EBF1: variants seen among roughly 807,000 people sequenced by gnomAD.
EBF1 encodes the protein EBF transcription factor 1.
Under a neutral mutation model 68.4 loss-of-function variants are expected in EBF1, and 10 were observed. The observed-to-expected ratio is 0.15, with a 90% CI of 0.09 to 0.25. The LOEUF is 0.25. Among genes scored for constraint, EBF1 ranks in the 10% least tolerant of loss-of-function variants. The pLI, the probability that EBF1 is intolerant of heterozygous loss-of-function variation, is 1.00. For missense variants in EBF1, 509 were observed against 794.4 expected, an observed-to-expected ratio of 0.64 and a Z score of 4.32; for synonymous variants, 298 against 299.8, an observed-to-expected ratio of 0.99 and a Z score of 0.06.
rs373099185 is a variant in EBF1 at position 159,095,662 on chromosome 5, C to G, written c.369G>C (p.Glu123Asp). 2 of 1,613,970 alleles carry G rather than the reference C, an allele frequency of 1.2e-6. No individual in the cohort carries two copies. The highest frequency in any genetic ancestry group is 2.7e-5 in the African/African-American group (2 of 74,924). The change falls in exon 4 of 16, where the codon GAG becomes GAC. Residue 123 changes from glutamate to aspartate, a missense_variant. By Grantham distance (45) the Glu-to-Asp change is conservative. Coordinates refer to ENST00000313708, the MANE Select transcript of EBF1 (RefSeq NM_024007.5). Reference sequence around the variant, plus strand: ...CAATGAGGCGCACGTAGAAATCCTGCTCCGTCCTTATCCCTAGGGTTGGAA... The same window carrying G: ...CAATGAGGCGCACGTAGAAATCCTGGTCCGTCCTTATCCCTAGGGTTGGAA... Reference protein sequence around the residue: ...QLLYSNGIRTEQDFYVRLIDS... With the variant: ...QLLYSNGIRTDQDFYVRLIDS...
chr5:159,069,622 T>C (rs1259295587), intron 6 of EBF1, among the ~76,000 whole-genome samples: 1 of 152,140 alleles, frequency 6.6e-6, no homozygotes, highest in African/African-American at 2.4e-5. Context: ...TATTAAAAAG[T>C]TTCCATATAG....
intron 6 of EBF1, among the ~76,000 whole-genome samples, chr5:158,877,087 T>C (rs1359064428): frequency 2.6e-4 from 40 of 152,150 alleles, no homozygotes; most frequent in Admixed American, 2.5e-3. Flanking sequence ...GAAGCCTCTA[T>C]CTCCACCAAC....
chr5:158,717,378 A>G (rs1337527424), intron 11 of EBF1, among the ~76,000 whole-genome samples: 1 of 152,190 alleles, frequency 6.6e-6, no homozygotes, highest in East Asian at 1.9e-4. Context: ...TGTCTCTAAA[A>G]TTGTTCTTAA....
At chr5:159,016,344 G>T (rs10515785) in intron 6 of EBF1, among the ~76,000 whole-genome samples, 34,719 of 151,892 alleles carry the variant, frequency 0.23, 4,315 homozygotes, top group Non-Finnish European at 0.27. Context: ...GTTTTTTTCA[G>T]CTATGGCCCC....
intron 6 of EBF1, among the ~76,000 whole-genome samples, chr5:158,866,990 TATG>T (rs1339675195): frequency 3.3e-5 from 5 of 150,996 alleles, no homozygotes; most frequent in African/African-American, 1.2e-4. Context: ...ATGGAATAAA[TATG>T]ATGCATAATT....
chr5:158,802,798 C>G (rs1780851935), intron 8 of EBF1, among the ~76,000 whole-genome samples: 1 of 152,112 alleles, frequency 6.6e-6, no homozygotes. Flanking sequence ...ACAGAAAATG[C>G]CTACTTGTGT....
chr5:158,877,437 C>T (rs1798016904), intron 6 of EBF1, among the ~76,000 whole-genome samples: 1 of 145,828 alleles, frequency 6.9e-6, no homozygotes, highest in Non-Finnish European at 1.5e-5. Flanking sequence ...CATACTTGTA[C>T]CAGCGTCCCA....
At chr5:158,756,763 GCAAATTCAAACTGGAGAGA>G (rs1185833842) in intron 10 of EBF1, among the ~76,000 whole-genome samples, 6 of 151,588 alleles carry the variant, frequency 4.0e-5, no homozygotes, top group Non-Finnish European at 8.8e-5. Context: ...AATGAAGAGG[GCAAATTCAAACTGGAGAGA>G]CAAGCAGAAC....
chr5:158,816,553 C>A (rs1261151458), intron 8 of EBF1, among the ~76,000 whole-genome samples: 1 of 152,152 alleles, frequency 6.6e-6, no homozygotes, highest in African/African-American at 2.4e-5. Flanking sequence ...TCAGGCATTG[C>A]CCCTGGTGGG....
At chr5:159,010,737 CCAAAGG>C (rs1215744708) in intron 6 of EBF1, among the ~76,000 whole-genome samples, 4 of 152,176 alleles carry the variant, frequency 2.6e-5, no homozygotes, top group Non-Finnish European at 5.9e-5. Context: ...GGGAGTAGAT[CCAAAGG>C]AGGGCAGGGA....
intron 6 of EBF1, among the ~76,000 whole-genome samples, chr5:158,856,520 T>G (rs1156974979): frequency 6.6e-6 from 1 of 152,238 alleles, no homozygotes; most frequent in Non-Finnish European, 1.5e-5. Context: ...TGATGATGGT[T>G]GATTCTTTTA....
chr5:158,823,113 A>T (rs1785211899), intron 8 of EBF1, 63 bp downstream of exon 8: 1 of 1,610,156 alleles, frequency 6.2e-7, no homozygotes, highest in Non-Finnish European at 8.5e-7. Flanking sequence ...GGAGTGGAAG[A>T]AAGAAACCAA....
intron 15 of EBF1, chr5:158,707,574 A>G (rs1758133634): frequency 4.0e-6 from 1 of 248,476 alleles, no homozygotes; most frequent in Non-Finnish European, 8.0e-6. Flanking sequence ...CTACTTCAGG[A>G]GAAGGCCAGT....
At chr5:158,729,946 T>C (rs1763750495) in intron 11 of EBF1, among the ~76,000 whole-genome samples, 1 of 152,186 alleles carries the variant, frequency 6.6e-6, no homozygotes, top group Non-Finnish European at 1.5e-5. Context: ...TTCTGACAGG[T>C]GGCCCTGCCT....
chr5:158,944,130 G>T (rs1231220534), intron 6 of EBF1, among the ~76,000 whole-genome samples: 2 of 152,112 alleles, frequency 1.3e-5, no homozygotes, highest in East Asian at 3.9e-4. Context: ...ATGCAGGTTT[G>T]TTACATAGGT....
intron 6 of EBF1, among the ~76,000 whole-genome samples, chr5:158,999,030 A>G (rs1240674477): frequency 6.6e-6 from 1 of 152,144 alleles, no homozygotes; most frequent in Admixed American, 6.5e-5. Flanking sequence ...CTCAAATTGC[A>G]GTGAATGAAC....
chr5:158,781,940 A>G (rs1003708565), intron 9 of EBF1, among the ~76,000 whole-genome samples: 5 of 152,120 alleles, frequency 3.3e-5, no homozygotes, highest in Non-Finnish European at 7.3e-5. Context: ...ACATAGTTCA[A>G]ACTCCTTGAC....
chr5:158,751,579 C>T (rs573526262), intron 10 of EBF1, among the ~76,000 whole-genome samples: 7 of 152,134 alleles, frequency 4.6e-5, no homozygotes, highest in East Asian at 1.9e-4. Flanking sequence ...TGGAGTCAGA[C>T]GGTCTGGCCA....
chr5:158,911,620 A>G (rs1198572068), intron 6 of EBF1, among the ~76,000 whole-genome samples: 1 of 147,340 alleles, frequency 6.8e-6, no homozygotes, highest in African/African-American at 2.5e-5. Flanking sequence ...ACGACAGCAT[A>G]CAGTAGGAAC....
Sources: gnomAD v4.1 joint callset for allele counts (sites outside exome capture counted in the v4.1 genomes callset) on GRCh38, gnomAD v4.1.1 for gene constraint, MANE v1.5 for transcripts, NCBI Gene and HGNC (gene_info 2026-07-23, HGNC 2026-07-21) for gene names.